The following DNER variants were observed in gnomAD, a reference collection of about 807,000 sequenced individuals.
DNER encodes delta and Notch-like epidermal growth factor-related receptor.
A neutral mutation model predicts 78.2 loss-of-function variants in DNER; 33 were observed. The ratio of observed to expected loss-of-function variants is 0.42; its 90% CI spans 0.32 to 0.56. The LOEUF (loss-of-function observed/expected upper bound fraction) is 0.56, where lower values mean the gene tolerates loss of function less well. Among genes scored for constraint, DNER ranks in the 20% least tolerant of loss-of-function variants. The pLI is 0.11. For synonymous variants in DNER, 417 were observed against 384.8 expected, an observed-to-expected ratio of 1.08 and a Z score of -0.98; for missense variants, 918 against 975.3, an observed-to-expected ratio of 0.94 and a Z score of 0.78.
chr2:229,459,228 T>C (rs768958884), intron 7 of DNER, among the ~76,000 whole-genome samples: 8 of 152,122 alleles, frequency 5.3e-5, no homozygotes, highest in Admixed American at 1.3e-4. Flanking sequence ...GGGATGCCTA[T>C]TGTTTATAAC....
intron 6 of DNER, among the ~76,000 whole-genome samples, chr2:229,499,860 A>G (rs904252426): frequency 1.1e-4 from 16 of 152,214 alleles, no homozygotes; most frequent in African/African-American, 3.9e-4. Flanking sequence ...AAGGTATTCA[A>G]ACAACTCAAT....
chr2:229,526,419 AC>A (rs1347832292), intron 5 of DNER, among the ~76,000 whole-genome samples: 1 of 152,218 alleles, frequency 6.6e-6, no homozygotes, highest in African/African-American at 2.4e-5. Context: ...GGCCCTTTAT[AC>A]AGAGGAAATG....
At chr2:229,488,317 G>A (rs1695321468) in intron 6 of DNER, among the ~76,000 whole-genome samples, 1 of 152,226 alleles carries the variant, frequency 6.6e-6, no homozygotes, top group African/African-American at 2.4e-5. Context: ...TGTGGGGATA[G>A]ATGTTTGTGT....
At chr2:229,603,030 C>T (rs922879788) in intron 1 of DNER, among the ~76,000 whole-genome samples, 1 of 152,054 alleles carries the variant, frequency 6.6e-6, no homozygotes, top group Non-Finnish European at 1.5e-5. Context: ...AACAAATAGA[C>T]CAATGGAACA....
intron 4 of DNER, among the ~76,000 whole-genome samples, chr2:229,560,388 A>T (rs6760456): frequency 0.19 from 29,504 of 152,100 alleles, 3,809 homozygotes; most frequent in African/African-American, 0.36. Flanking sequence ...CAATAACCTA[A>T]AAAAATGGTT....
intron 1 of DNER, among the ~76,000 whole-genome samples, chr2:229,619,076 G>T (rs1217333690): frequency 6.6e-6 from 1 of 152,064 alleles, no homozygotes; most frequent in Non-Finnish European, 1.5e-5. Context: ...TTGAGCCAAG[G>T]AGTTCGAGGT....
chr2:229,612,904 G>A (rs1012825680), intron 1 of DNER, among the ~76,000 whole-genome samples: 2 of 152,198 alleles, frequency 1.3e-5, no homozygotes, highest in African/African-American at 2.4e-5. Flanking sequence ...AAGCAAGAAC[G>A]TATTCCAATA....
Position 229,497,418 on chromosome 2 carries a change from T to C in DNER, c.1147+15365A>G, listed in dbSNP as rs560686115. Among the ~76,000 whole-genome samples the C allele has an allele frequency of 1.0e-3, 159 of 151,570 alleles. 2 individuals carry two copies. The highest frequency in any genetic ancestry group is 1.7e-3 in the Non-Finnish European group (116 of 67,774). ...GACAAAGAACAAAGCCCAAAGTTAA[T>C]ATAAGGAAGGAAATAATGAAGATCA... On this transcript the variant is annotated intron_variant, in intron 6 of 12. Coordinates refer to ENST00000341772, the MANE Select transcript of DNER (RefSeq NM_139072.4).
chr2:229,658,368 G>A (rs1698947661), intron 1 of DNER, among the ~76,000 whole-genome samples: 2 of 152,208 alleles, frequency 1.3e-5, no homozygotes, highest in South Asian at 4.1e-4. Flanking sequence ...TTGCCCAAGT[G>A]TTAATGAACA....
In DNER at chr2:229,370,282, G is replaced by T. The variant is rs114985029; in HGVS notation, c.1856-3163C>A. Among the ~76,000 whole-genome samples, 653 of 152,268 alleles carry T rather than the reference G, an allele frequency of 4.3e-3. 10 individuals carry two copies. Among genetic ancestry groups the T allele is most frequent in the African/African-American group, 0.015 (626 of 41,550 alleles). ...CGTGCCCATCCTGGATGCTTCCTGA[G>T]AATCTGAGAACAGATGAATAATGTG... On this transcript the variant is annotated intron_variant, in intron 11 of 12. Coordinates refer to ENST00000341772, the MANE Select transcript of DNER (RefSeq NM_139072.4).
chr2:229,440,225 C>T (rs181292761), intron 8 of DNER, among the ~76,000 whole-genome samples: 6 of 152,298 alleles, frequency 3.9e-5, no homozygotes, highest in African/African-American at 9.6e-5. Context: ...GCAAATATCA[C>T]GAATTCTACC....
At chr2:229,549,099 A>G (rs1211506897) in intron 4 of DNER, among the ~76,000 whole-genome samples, 1 of 152,222 alleles carries the variant, frequency 6.6e-6, no homozygotes, top group Non-Finnish European at 1.5e-5. Context: ...GCTGTTACGC[A>G]TATGTATACA....
chr2:229,647,447 T>C (rs1435239429), intron 1 of DNER, among the ~76,000 whole-genome samples: 3 of 152,218 alleles, frequency 2.0e-5, no homozygotes. Flanking sequence ...TCATTGCAGG[T>C]GGGAACATAA....
intron 5 of DNER, among the ~76,000 whole-genome samples, chr2:229,524,009 C>T (rs186051760): frequency 1.8e-4 from 27 of 152,354 alleles, no homozygotes; most frequent in Non-Finnish European, 3.4e-4. Context: ...TGCAGTTATC[C>T]TCATAGCTAC....
At chr2:229,602,230 G>A (rs1697841357) in intron 1 of DNER, among the ~76,000 whole-genome samples, 1 of 152,132 alleles carries the variant, frequency 6.6e-6, no homozygotes, top group Non-Finnish European at 1.5e-5. Flanking sequence ...AATTTCCTGT[G>A]AAGATTGTAT....
At chr2:229,501,375 A>G (rs1448133739) in intron 6 of DNER, among the ~76,000 whole-genome samples, 1 of 151,960 alleles carries the variant, frequency 6.6e-6, no homozygotes, top group African/African-American at 2.4e-5. Context: ...AATGTTTATC[A>G]CTTAACCAAC....
At chr2:229,653,288 C>T (rs1011407847) in intron 1 of DNER, among the ~76,000 whole-genome samples, 2 of 152,190 alleles carry the variant, frequency 1.3e-5, no homozygotes, top group African/African-American at 4.8e-5. Context: ...AGAGTCGAGG[C>T]TGACACCTCT....
chr2:229,374,895 T>C (rs1692564229), intron 11 of DNER, among the ~76,000 whole-genome samples: 1 of 152,224 alleles, frequency 6.6e-6, no homozygotes, highest in Admixed American at 6.5e-5. Context: ...GTGTGTTACA[T>C]GCAGCGTCAA....
At chr2:229,360,360 T>C (rs571518617) in intron 12 of DNER, among the ~76,000 whole-genome samples, 138 of 152,330 alleles carry the variant, frequency 9.1e-4, no homozygotes, top group Admixed American at 3.2e-3. Flanking sequence ...ATTATTCGAT[T>C]GGTTGGCTGA....
Sources: allele counts gnomAD v4.1 joint callset (sites outside exome capture counted in the v4.1 genomes callset), GRCh38; gene constraint gnomAD v4.1.1; transcripts MANE v1.5; gene names NCBI Gene and HGNC (gene_info 2026-07-23, HGNC 2026-07-21).